B3GALT1: variants seen among roughly 807,000 people sequenced by gnomAD.
B3GALT1 encodes the protein UDP-Gal:betaGlcNAc beta 1,3-galactosyltransferase, polypeptide 1.
A neutral mutation model predicts 23.2 loss-of-function variants in B3GALT1; 10 were observed. The ratio of observed to expected loss-of-function variants is 0.43; its 90% CI spans 0.27 to 0.73. B3GALT1 has a LOEUF of 0.73. B3GALT1 is among the 30% of genes least tolerant of loss of function. B3GALT1 has a pLI of 0.21. For synonymous variants in B3GALT1, 156 were observed against 141.5 expected, an observed-to-expected ratio of 1.10 and a Z score of -0.73; for missense variants, 299 against 405.4, an observed-to-expected ratio of 0.74 and a Z score of 2.25.
At chr2:167,650,001 A>G (rs1685833322) in intron 3 of B3GALT1, among the ~76,000 whole-genome samples, 2 of 151,900 alleles carry the variant, frequency 1.3e-5, no homozygotes, top group East Asian at 3.9e-4. Flanking sequence ...TCGTGACCTT[A>G]GGGGGAAGCT....
At chr2:167,453,369 T>C (rs963018747) in intron 1 of B3GALT1, among the ~76,000 whole-genome samples, 1 of 152,214 alleles carries the variant, frequency 6.6e-6, no homozygotes, top group Non-Finnish European at 1.5e-5. Context: ...TCAACATTGT[T>C]TCACACAAAG....
Position 167,579,430 on chromosome 2 carries a change from G to GTTTTTTTTTTTTTTTTT in B3GALT1, c.-409-67478_-409-67477insTTTTTTTTTTTTTTTTT, listed in dbSNP as rs1553469287. ...TTTGGTTTTGGTTTTGTTTTTTTTT[G>GTTTTTTTTTTTTTTTTT]TCTTTTTTTTTTTTTTTCCATTTAA... On this transcript the variant is annotated intron_variant, in intron 2 of 4. Transcript: ENST00000392690. 1.9e-4 allele frequency among the ~76,000 whole-genome samples: 12 copies of GTTTTTTTTTTTTTTTTT among 63,610 alleles called. No individual in the cohort carries two copies. In the East Asian group the frequency reaches 7.7e-3, roughly 41 times the overall value. 41.7% of individuals were successfully genotyped at this position (63,610 alleles called of 152,430 possible).
intron 1 of B3GALT1, among the ~76,000 whole-genome samples, chr2:167,439,935 T>TA (rs11448143): frequency 0.19 from 29,141 of 152,030 alleles, 4,311 homozygotes; most frequent in African/African-American, 0.43. Context: ...AGCTACATTA[T>TA]AACAATTATT....
In B3GALT1 at chr2:167,452,976, C is replaced by T. The variant is rs1699111208; in HGVS notation, c.-510-37201C>T. 2.0e-5 allele frequency among the ~76,000 whole-genome samples: 3 copies of T among 152,172 alleles called. No homozygotes were observed. The South Asian group carries it at 6.2e-4, about 32-fold the overall frequency. ...CAGTAGTTGCTAAAATTTCCCAGAT[C>T]ATTCTAATATGGAGCCACTTTGAAG... On this transcript the variant is annotated intron_variant, in intron 1 of 4. Transcript: ENST00000392690.
At chr2:167,859,894 G>A (rs1034316660) in intron 4 of B3GALT1, among the ~76,000 whole-genome samples, 2 of 152,174 alleles carry the variant, frequency 1.3e-5, no homozygotes, top group African/African-American at 4.8e-5. Context: ...CAAGGAGGCT[G>A]ACTTAAAGGC....
chr2:167,869,475 A>C lies in B3GALT1; in HGVS notation c.436A>C (p.Ile146Leu), dbSNP rs755478460. The C allele has an allele frequency of 6.8e-6, 11 of 1,613,918 alleles. No individual in the cohort carries two copies. In the South Asian group the frequency reaches 1.2e-4, roughly 18 times the overall value. Residue 146 changes from isoleucine to leucine, a missense_variant, in exon 5 of 5, where the codon ATT (isoleucine) becomes CTT (leucine). Ile to Leu is a conservative substitution (Grantham distance 5). Around this residue, in one of 3 missense-constraint regions of B3GALT1, gnomAD observed 162 missense variants for 184.1 expected, o/e 0.88. Transcript: ENST00000392690. The surrounding 1 kb of genome is among the most constrained non-coding windows in gnomAD (Gnocchi z 6.4). ...CCATGATATCATCGTGGAGGACTTT[A>C]TTGACTCCTACCATAACCTTACCCT... ...IFHDIIVEDFIDSYHNLTLKT... is the reference protein window; with the variant it reads ...IFHDIIVEDFLDSYHNLTLKT...
chr2:167,496,558 TG>T (rs545418925), intron 2 of B3GALT1, among the ~76,000 whole-genome samples: 9 of 152,288 alleles, frequency 5.9e-5, no homozygotes, highest in African/African-American at 2.2e-4. Flanking sequence ...TAATAGTCAT[TG>T]ATTACCTTCA....
intron 2 of B3GALT1, among the ~76,000 whole-genome samples, chr2:167,607,461 T>TAA (rs1684985191): frequency 6.6e-6 from 1 of 152,152 alleles, no homozygotes; most frequent in Admixed American, 6.5e-5. Flanking sequence ...CCTTATTACT[T>TAA]ACGATCTTAC....
At chr2:167,492,302 T>G (rs1192859875) in intron 2 of B3GALT1, among the ~76,000 whole-genome samples, 1 of 152,240 alleles carries the variant, frequency 6.6e-6, no homozygotes, top group Non-Finnish European at 1.5e-5. Context: ...TGTTTTTCTG[T>G]GGCTTAATAG....
intron 3 of B3GALT1, among the ~76,000 whole-genome samples, chr2:167,810,076 CCT>C (rs1688850896): frequency 6.9e-6 from 1 of 143,970 alleles, no homozygotes; most frequent in African/African-American, 2.9e-5. Context: ...CGTAGGACCC[CCT>C]GAGCCACGCG....
intron 2 of B3GALT1, among the ~76,000 whole-genome samples, chr2:167,502,432 G>C (rs1434159344): frequency 1.3e-5 from 2 of 152,172 alleles, no homozygotes; most frequent in East Asian, 1.9e-4. Context: ...GTATTAGTCT[G>C]TTCTCACATT....
intron 2 of B3GALT1, among the ~76,000 whole-genome samples, chr2:167,546,668 A>G (rs1218206571): frequency 2.0e-5 from 3 of 152,186 alleles, no homozygotes; most frequent in Admixed American, 2.0e-4. Context: ...TACTTCTGGC[A>G]TCCAAATGTA....
In B3GALT1 at chr2:167,719,931, CA is replaced by C. The variant is rs747995850; in HGVS notation, c.-352+72978del. On this transcript the variant is annotated intron_variant, in intron 3 of 4. Transcript: ENST00000392690. ...TGGGTGACAGAGCGAGACCCTGTCT[CA>C]AAAAAAAAAAAAGAAAGTCCAGGAA... 3.7e-3 allele frequency among the ~76,000 whole-genome samples: 490 copies of C among 132,844 alleles called. 1 individual carries two copies. Among genetic ancestry groups the C allele is most frequent in the Non-Finnish European group, 3.6e-3 (221 of 61,512 alleles). 87.2% of individuals were successfully genotyped at this position (132,844 alleles called of 152,430 possible).
At chr2:167,402,033 C>T (rs1698201030) in intron 1 of B3GALT1, among the ~76,000 whole-genome samples, 1 of 152,190 alleles carries the variant, frequency 6.6e-6, no homozygotes, top group South Asian at 2.1e-4. Flanking sequence ...TGAGTGAGCA[C>T]TAAGAATGGA....
At chr2:167,476,971 A>C (rs1699496179) in intron 1 of B3GALT1, among the ~76,000 whole-genome samples, 1 of 152,230 alleles carries the variant, frequency 6.6e-6, no homozygotes, top group African/African-American at 2.4e-5. Context: ...GGATAAAAGG[A>C]GCAGATTGAC....
intron 4 of B3GALT1, among the ~76,000 whole-genome samples, chr2:167,849,759 A>G (rs1178188537): frequency 2.0e-5 from 3 of 152,034 alleles, no homozygotes; most frequent in Non-Finnish European, 2.9e-5. Context: ...GTGTGGTGGC[A>G]GGCGCCTGTA....
chr2:167,442,286 C>A (rs1013396328), intron 1 of B3GALT1, among the ~76,000 whole-genome samples: 5 of 152,092 alleles, frequency 3.3e-5, no homozygotes, highest in African/African-American at 1.2e-4. Context: ...CATTGTTGGA[C>A]ATTTGGGTTG....
chr2:167,463,129 T>A (rs943297597), intron 1 of B3GALT1, among the ~76,000 whole-genome samples: 115 of 152,212 alleles, frequency 7.6e-4, no homozygotes, highest in African/African-American at 2.6e-3. Context: ...GGTTATTTAT[T>A]TTGTCTGTTT....
chr2:167,850,866 G>A (rs1368111311), intron 4 of B3GALT1, among the ~76,000 whole-genome samples: 4 of 152,118 alleles, frequency 2.6e-5, no homozygotes, highest in Admixed American at 6.5e-5. Flanking sequence ...ATGGTGCAGT[G>A]TATATTGCTT....
Sources: allele counts gnomAD v4.1 joint callset (sites outside exome capture counted in the v4.1 genomes callset), GRCh38; gene constraint gnomAD v4.1.1; regional missense constraint gnomAD v4.1.1; non-coding constraint Gnocchi (gnomAD v3.1); transcripts MANE v1.5; gene names NCBI Gene and HGNC (gene_info 2026-07-23, HGNC 2026-07-21).